The following NYX variants were observed in gnomAD, a reference collection of about 807,000 sequenced individuals.
NYX encodes the protein leucine-rich repeat protein.
For synonymous variants in NYX, 258 were observed against 245.7 expected (o/e 1.05, Z -0.47); for missense variants, 481 against 485.4 (o/e 0.99, Z 0.09).
chrX:41,474,722 G>T lies in NYX; in HGVS notation c.1254G>T (p.Pro418=). 1 of 1,196,288 alleles carries T rather than the reference G, an allele frequency of 8.4e-7. No homozygotes were observed. Among genetic ancestry groups the T allele is most frequent in the South Asian group, 1.8e-5 (1 of 54,755 alleles). ...GCCTCCTCTCCAAGCTGCTGGCCCC[G>T]AGGGTCCCGGTGGAGGAGGCGGCCA... ...FSSLLSKLLA[P]RVPVEEAANT... is the part of the protein sequence containing the mutation. Residue 418 remains proline, a synonymous_variant, in exon 3 of 3, where the codon CCG becomes CCT. Transcript: ENST00000378220.
At position 41,454,405 on chromosome X, in the gene NYX, C is replaced by T. The variant is rs921307370; in HGVS notation, c.22+6479C>T. 5.4e-5 allele frequency among the ~76,000 whole-genome samples: 6 copies of T among 110,324 alleles called. 1 individual carries two copies. In the East Asian group the frequency reaches 1.1e-3, roughly 21 times the overall value. On this transcript the variant is annotated intron_variant, in intron 2 of 2. Transcript: ENST00000378220. ...TCAGCTCACTGCAACCTCCGCCTCC[C>T]GGGTTCAAGCAATTCCTCTGCCTCA...
At chrX:41,466,357 AC>A (rs2064337854) in intron 2 of NYX, among the ~76,000 whole-genome samples, 1 of 59,155 alleles carries the variant, frequency 1.7e-5, no homozygotes, top group African/African-American at 6.1e-5. Flanking sequence ...GGAGGTCAAG[AC>A]TGTGGTGAAC....
chrX:41,448,669 G>T (rs1050446933), intron 2 of NYX, among the ~76,000 whole-genome samples: 1 of 101,081 alleles, frequency 9.9e-6, no homozygotes, highest in Admixed American at 1.1e-4. Flanking sequence ...AGTGATTCTC[G>T]TGCCTCAGCC....
At chrX:41,448,065 C>T (rs919564321) in intron 2 of NYX, 139 bp downstream of exon 2, 5 of 604,800 alleles carry the variant, frequency 8.3e-6, no homozygotes, top group East Asian at 3.6e-5. Context: ...ACCCTGTGAT[C>T]GTGGGGGAGG....
rs377457140 is a variant in NYX at position 41,463,563 on chromosome X, C to A, written c.23-9928C>A. Among the ~76,000 whole-genome samples, 225 of 110,449 alleles carry A rather than the reference C, an allele frequency of 2.0e-3. 1 individual carries two copies. The highest frequency in any genetic ancestry group is 7.0e-3 in the African/African-American group (212 of 30,440). On this transcript the variant is annotated intron_variant, in intron 2 of 2. Coordinates refer to ENST00000378220, the MANE Select transcript of NYX (RefSeq NM_001378477.3). ...TCAGCCTCCCGAGTGGCTGGGACTACAGGTGTGCGCCACCACACCCAGCTA... is the reference window on the plus strand; with the variant it reads ...TCAGCCTCCCGAGTGGCTGGGACTAAAGGTGTGCGCCACCACACCCAGCTA...
chrX:41,450,846 T>G (rs1329644808), intron 2 of NYX, among the ~76,000 whole-genome samples: 1 of 88,633 alleles, frequency 1.1e-5, no homozygotes, highest in Non-Finnish European at 2.2e-5. Flanking sequence ...TTTTTTTTTT[T>G]TTTTTTTTTG....
chrX:41,452,754 TCTC>T (rs1316366780), intron 2 of NYX, among the ~76,000 whole-genome samples: 1 of 111,288 alleles, frequency 9.0e-6, no homozygotes, highest in African/African-American at 3.3e-5. Context: ...AACATTGACT[TCTC>T]CATCCCTTAT....
chrX:41,473,775 G>A lies in NYX; in HGVS notation c.307G>A (p.Gly103Ser), dbSNP rs770414058. 21 of 1,142,552 alleles carry A rather than the reference G, an allele frequency of 1.8e-5. No individual in the cohort carries two copies. The highest frequency in any genetic ancestry group is 2.4e-5 in the Non-Finnish European group (21 of 867,177). 94.2% of individuals were successfully genotyped at this position (1,142,552 alleles called of 1,213,427 possible). A position where few individuals can be genotyped will look rare whatever the true frequency, so the allele number is the denominator to read the frequency against. ...CTTCATCACGCCCGGCGCCTTCAAG[G>A]GCCTGCCGCGCCTGGCTGAGCTGCG... ...LSFITPGAFKGLPRLAELRLA... is the reference protein window; with the variant it reads ...LSFITPGAFKSLPRLAELRLA... Residue 103 changes from glycine to serine, a missense_variant, in exon 3 of 3, where the codon GGC becomes AGC. Transcript: ENST00000378220.
chrX:41,470,454 G>A (rs2147023028), intron 2 of NYX, among the ~76,000 whole-genome samples: 1 of 111,341 alleles, frequency 9.0e-6, no homozygotes, highest in South Asian at 3.8e-4. Context: ...AGCACTTTGG[G>A]AGGCCAAGGT....
intron 2 of NYX, among the ~76,000 whole-genome samples, chrX:41,471,145 CTT>C (rs1399360197): frequency 2.7e-5 from 3 of 111,489 alleles, no homozygotes; most frequent in East Asian, 2.8e-4. Flanking sequence ...GAGTTTCACT[CTT>C]TTCACCCAGG....
chrX:41,467,153 G>C (rs1391107970), intron 2 of NYX, among the ~76,000 whole-genome samples: 2 of 110,082 alleles, frequency 1.8e-5, no homozygotes, highest in Non-Finnish European at 3.8e-5. Context: ...ATAGATAGCA[G>C]TGGGAATGTT....
intron 2 of NYX, chrX:41,472,555 G>C (rs1229864655): frequency 1.8e-6 from 1 of 551,111 alleles, no homozygotes; most frequent in East Asian, 3.4e-5. Flanking sequence ...CTGACTACAG[G>C]GGGGCTCTGC....
At chrX:41,451,233 C>T (rs1602171118) in intron 2 of NYX, among the ~76,000 whole-genome samples, 1 of 111,836 alleles carries the variant, frequency 8.9e-6, no homozygotes, top group Non-Finnish European at 1.9e-5. Context: ...TATAATGGTG[C>T]AACCATTTTG....
intron 2 of NYX, among the ~76,000 whole-genome samples, chrX:41,455,900 C>T (rs745948329): frequency 8.9e-6 from 1 of 111,735 alleles, no homozygotes; most frequent in Non-Finnish European, 1.9e-5. Flanking sequence ...GCTATTTTTT[C>T]ATTTGGATTC....
chrX:41,454,498 G>C (rs902048045), intron 2 of NYX, among the ~76,000 whole-genome samples: 4 of 110,967 alleles, frequency 3.6e-5, no homozygotes, highest in African/African-American at 1.3e-4. Context: ...ATTTTCAGTA[G>C]AGACGGGGTT....
In NYX at chrX:41,474,726, G is replaced by A. The variant is rs1164733579; in HGVS notation, c.1258G>A (p.Val420Ile). Reference protein sequence around the residue: ...SLLSKLLAPRVPVEEAANTTG... With the variant: ...SLLSKLLAPRIPVEEAANTTG... Reference sequence around the variant, plus strand: ...CCTCTCCAAGCTGCTGGCCCCGAGGGTCCCGGTGGAGGAGGCGGCCAACAC... The same window carrying A: ...CCTCTCCAAGCTGCTGGCCCCGAGGATCCCGGTGGAGGAGGCGGCCAACAC... Residue 420 changes from valine (V) to isoleucine (I), a missense_variant, in exon 3 of 3, where the codon GTC becomes ATC. Val to Ile is a conservative substitution (Grantham distance 29, BLOSUM62 3). Transcript: ENST00000378220. 4.2e-6 allele frequency: 5 copies of A among 1,194,171 alleles called. No homozygotes were observed. Among genetic ancestry groups the A allele is most frequent in the Non-Finnish European group, 4.5e-6 (4 of 888,903 alleles).
chrX:41,453,870 G>A (rs1330652434), intron 2 of NYX, among the ~76,000 whole-genome samples: 2 of 112,876 alleles, frequency 1.8e-5, no homozygotes, highest in Non-Finnish European at 3.7e-5. Context: ...TGTGAATAAT[G>A]CTGCTGTGAA....
chrX:41,459,308 CTAGGACT>C (rs1282026343), intron 2 of NYX, among the ~76,000 whole-genome samples: 60 of 110,848 alleles, frequency 5.4e-4, no homozygotes, highest in African/African-American at 1.9e-3. Context: ...CAGCTCTGTT[CTAGGACT>C]GCACGTAAAT....
intron 2 of NYX, chrX:41,472,790 A>AAGTT (rs2064367174): frequency 4.2e-6 from 1 of 235,656 alleles, no homozygotes; most frequent in Admixed American, 6.5e-5. Context: ...GTCACGGGCA[A>AAGTT]ATTTATTTAT....
Sources: allele counts gnomAD v4.1 joint callset (sites outside exome capture counted in the v4.1 genomes callset), GRCh38; gene constraint gnomAD v4.1.1; transcripts MANE v1.5; gene names NCBI Gene and HGNC (gene_info 2026-07-23, HGNC 2026-07-21).